POLR1A: variants seen among roughly 807,000 people sequenced by gnomAD.
POLR1A encodes RNA polymerase I subunit A.
POLR1A carries 84 observed loss-of-function variants against 205.3 expected under a neutral mutation model. That is an observed-to-expected ratio of 0.41 (90% CI 0.34 to 0.49). The LOEUF is 0.49. Ranked by LOEUF, POLR1A falls within the 20% of genes least tolerant of loss-of-function variation. The pLI is 0.22. For synonymous variants in POLR1A, 799 were observed against 863.7 expected (o/e 0.93, Z 1.31); for missense variants, 1,645 against 2,204.5 (o/e 0.75, Z 5.08).
rs201493508 is a variant in POLR1A at position 86,031,588 on chromosome 2, G to A, written c.4320C>T (p.Asn1440=). 25 of 1,613,304 alleles carry A rather than the reference G, an allele frequency of 1.5e-5. No individual in the cohort carries two copies. The highest frequency in any genetic ancestry group is 4.5e-5 in the East Asian group (2 of 44,880). ...EEEEEREGEE[N]DDEDMQEERN... ...GTTCCTCCTGCATGTCTTCATCGTC[G>A]TTCTCCTCGCCCTCCCTCTCCTCCT... Residue 1440 remains asparagine, a synonymous_variant, in exon 30 of 34, where the codon AAC becomes AAT. Coordinates refer to ENST00000263857, the MANE Select transcript of POLR1A (RefSeq NM_015425.6).
chr2:86,071,806 A>T (rs1480135593), intron 12 of POLR1A, among the ~76,000 whole-genome samples: 2 of 152,170 alleles, frequency 1.3e-5, no homozygotes, highest in Non-Finnish European at 2.9e-5. Context: ...CTAAACACTG[A>T]ACATAAAGTG....
Position 86,103,081 on chromosome 2 carries a change from T to C in POLR1A, c.77+2619A>G, listed in dbSNP as rs530959925. On this transcript the variant is annotated intron_variant, in intron 1 of 33. Transcript: ENST00000263857. ...TGCTATGCTTACAGGCCTTACATTC[T>C]ATTGGAGGAACGGGAACAGACACAA... is the stretch of plus-strand genomic sequence containing the variant. Among the ~76,000 whole-genome samples, 9 of 152,266 alleles carry C rather than the reference T, an allele frequency of 5.9e-5. No individual in the cohort carries two copies. In the East Asian group the frequency reaches 1.2e-3, roughly 20 times the overall value.
Position 86,053,001 on chromosome 2 carries a change from C to A in POLR1A, c.2209-1G>T. ...GCAGCTCCCCTTCCCTGATGATCAC[C>A]TGCAGAGGGCAAGGCCACCAATGCC... On this transcript the variant is annotated splice_acceptor_variant, in intron 15 of 33. Transcript: ENST00000263857. LOFTEE classifies it high-confidence loss of function. 1 of 1,571,220 alleles carries A rather than the reference C, an allele frequency of 6.4e-7. No homozygotes were observed.
intron 8 of POLR1A, 40 bp downstream of exon 8, chr2:86,081,561 G>A (rs896011605): frequency 2.3e-6 from 3 of 1,298,574 alleles, no homozygotes; most frequent in South Asian, 1.2e-5. Flanking sequence ...TCCTTAGTAC[G>A]CTTTTTTTCA....
At chr2:86,073,609 T>C (rs1015534773) in intron 12 of POLR1A, among the ~76,000 whole-genome samples, 4 of 152,220 alleles carry the variant, frequency 2.6e-5, no homozygotes, top group African/African-American at 9.6e-5. Flanking sequence ...CATTATGTGC[T>C]TAAAGTCACT....
chr2:86,051,647 C>T (rs1283441860), intron 16 of POLR1A, among the ~76,000 whole-genome samples: 1 of 152,250 alleles, frequency 6.6e-6, no homozygotes, highest in Non-Finnish European at 1.5e-5. Flanking sequence ...CGTGGAAGGG[C>T]TGGACCCTGC....
chr2:86,044,273 C>T lies in POLR1A; in HGVS notation c.3001G>A (p.Val1001Met), dbSNP rs373387047. 4.2e-5 allele frequency: 67 copies of T among 1,614,046 alleles called. No homozygotes were observed. Among genetic ancestry groups the T allele is most frequent in the Admixed American group, 1.8e-4 (11 of 60,000 alleles). Residue 1001 changes from valine (V) to methionine (M), a missense_variant, in exon 22 of 34, where the codon GTG (valine) becomes ATG (methionine). Physicochemically the swap from Val to Met is conservative, Grantham distance 21 (BLOSUM62 1). Coordinates refer to ENST00000263857, the MANE Select transcript of POLR1A (RefSeq NM_015425.6). ...CIIKHLEGLV[V>M]QYDLTVRDSD... ...TCACGGACCGTGAGATCATACTGCA[C>T]GACCAGCCCCTCTAGGTGCTTGATG...
chr2:86,089,051 T>C lies in POLR1A; in HGVS notation c.541-181A>G, dbSNP rs1991106. Among the ~76,000 whole-genome samples, 114,805 of 152,158 alleles carry C rather than the reference T, an allele frequency of 0.75. 44,723 individuals carry two copies. The highest frequency in any genetic ancestry group is 0.85 in the South Asian group (4,107 of 4,820). On this transcript the variant is annotated intron_variant, in intron 4 of 33. Transcript: ENST00000263857. Reference sequence around the variant, plus strand: ...TGAGCTCTGACAATTACTGAGTGACTTCTTTAAGCCTTCAGTTTCTCAATT... The same window carrying C: ...TGAGCTCTGACAATTACTGAGTGACCTCTTTAAGCCTTCAGTTTCTCAATT...
intron 13 of POLR1A, 37 bp from the exon 14 acceptor site, chr2:86,065,502 A>AAGTTAAATCTTAAGT (rs1159946975): frequency 6.3e-7 from 1 of 1,579,954 alleles, no homozygotes; most frequent in South Asian, 1.1e-5. Flanking sequence ...AAGAATGAAA[A>AAGTTAAATCTTAAGT]TAAATCTTAA....
intron 14 of POLR1A, among the ~76,000 whole-genome samples, chr2:86,056,073 T>C (rs186926146): frequency 1.1e-4 from 16 of 151,898 alleles, no homozygotes; most frequent in Admixed American, 9.2e-4. Context: ...AAATGACTTA[T>C]TCAAAGCTGA....
chr2:86,048,513 C>T (rs1672745540), intron 18 of POLR1A, among the ~76,000 whole-genome samples: 1 of 152,216 alleles, frequency 6.6e-6, no homozygotes, highest in South Asian at 2.1e-4. Context: ...GAACCTGAGC[C>T]TTCACTCCTG....
intron 22 of POLR1A, among the ~76,000 whole-genome samples, chr2:86,043,414 T>A (rs1488268632): frequency 6.6e-6 from 1 of 152,002 alleles, no homozygotes; most frequent in Non-Finnish European, 1.5e-5. Context: ...CCAATGGTCT[T>A]GGGAGCAGAG....
Position 86,048,995 on chromosome 2 carries a change from C to T in POLR1A, c.2523G>A (p.Glu841=), listed in dbSNP as rs557807677. 6.3e-5 allele frequency: 101 copies of T among 1,614,216 alleles called. No homozygotes were observed. In the East Asian group the frequency reaches 2.0e-3, roughly 32 times the overall value. ...LNLPEAASYD[E]VRGKWQDAHL... ...GGGCATCCTGCCATTTTCCTCGGACCTCATCATATGATGCGGCTTCTGGCA... is the reference window on the plus strand; with the variant it reads ...GGGCATCCTGCCATTTTCCTCGGACTTCATCATATGATGCGGCTTCTGGCA... Residue 841 remains glutamate (E), a synonymous_variant, in exon 18 of 34, where the codon GAG becomes GAA. Coordinates refer to ENST00000263857, the MANE Select transcript of POLR1A (RefSeq NM_015425.6).
At chr2:86,045,507 T>C in intron 20 of POLR1A, 110 bp downstream of exon 20, 1 of 1,334,228 alleles carries the variant, frequency 7.5e-7, no homozygotes, top group Non-Finnish European at 1.1e-6. Flanking sequence ...CCTCGACAGC[T>C]ACAATAGCCC....
intron 25 of POLR1A, chr2:86,039,974 C>A: frequency 5.2e-6 from 1 of 190,838 alleles, no homozygotes; most frequent in Non-Finnish European, 1.1e-5. Context: ...ACACTCATTC[C>A]CCTTGTCCAG....
chr2:86,095,840 GC>G, intron 3 of POLR1A, among the ~76,000 whole-genome samples: 1 of 151,630 alleles, frequency 6.6e-6, no homozygotes, highest in East Asian at 1.9e-4. Context: ...CCATTCTCCT[GC>G]CTCAGCCTCC....
intron 12 of POLR1A, among the ~76,000 whole-genome samples, chr2:86,073,888 C>T (rs558216492): frequency 6.6e-6 from 1 of 152,200 alleles, no homozygotes; most frequent in Non-Finnish European, 1.5e-5. Context: ...GTGAAACACA[C>T]CTTGCTTCTT....
At chr2:86,074,389 AACTGCTGCC>A (rs1673240573) in intron 12 of POLR1A, among the ~76,000 whole-genome samples, 1 of 152,108 alleles carries the variant, frequency 6.6e-6, no homozygotes, top group Admixed American at 6.5e-5. Context: ...TCCCTCCAAC[AACTGCTGCC>A]ACTGTTGCCT....
At chr2:86,049,651 G>A (rs1359047484) in intron 16 of POLR1A, among the ~76,000 whole-genome samples, 1 of 152,142 alleles carries the variant, frequency 6.6e-6, no homozygotes, top group African/African-American at 2.4e-5. Flanking sequence ...AAGAGAGAGA[G>A]AACATCTCAG....
Sources: gnomAD v4.1 joint callset for allele counts (sites outside exome capture counted in the v4.1 genomes callset) on GRCh38, gnomAD v4.1.1 for gene constraint, MANE v1.5 for transcripts, NCBI Gene and HGNC (gene_info 2026-07-23, HGNC 2026-07-21) for gene names.